Variants in NEUROD4 observed in about 807,000 individuals in gnomAD.
The protein encoded by NEUROD4 is neurogenic differentiation factor 4.
NEUROD4 carries 16 observed loss-of-function variants against 19.8 expected under a neutral mutation model. That is an observed-to-expected ratio of 0.81 (90% CI 0.55 to 1.23). The LOEUF is 1.23. Ranked by LOEUF, NEUROD4 falls within the 50% of genes most tolerant of loss-of-function variation. The pLI is 0.00. For synonymous variants in NEUROD4, 153 were observed against 147.9 expected, an observed-to-expected ratio of 1.03 and a Z score of -0.25; for missense variants, 439 against 398.6, an observed-to-expected ratio of 1.10 and a Z score of -0.86.
At chr12:55,020,502 T>A (rs1952667534) in intron 1 of NEUROD4, among the ~76,000 whole-genome samples, 189 bp downstream of exon 1, 1 of 152,172 alleles carries the variant, frequency 6.6e-6, no homozygotes, top group Admixed American at 6.5e-5. Flanking sequence ...TTTAAATAAT[T>A]TTATTAAATT....
chr12:55,028,257 G>A lies in NEUROD4; in HGVS notation c.*822G>A, dbSNP rs1398680950. 1 of 166,660 alleles carries A rather than the reference G, an allele frequency of 6.0e-6. No homozygotes were observed. Among genetic ancestry groups the A allele is most frequent in the Non-Finnish European group, 1.5e-5 (1 of 68,118 alleles). The allele number at this position is 166,660 out of a possible 1,614,324, so 10.3% of individuals were successfully genotyped here. A position where few individuals can be genotyped will look rare whatever the true frequency, so the allele number is the denominator to read the frequency against. On this transcript the variant is annotated 3_prime_UTR_variant, in exon 2 of 2. Coordinates refer to ENST00000242994, the MANE Select transcript of NEUROD4 (RefSeq NM_021191.3). ...AAAACCATTTTTCTCAGTACTAGAGGTAGGGCAAACAAGTCACTGAAGCCT... is the reference window on the plus strand; with the variant it reads ...AAAACCATTTTTCTCAGTACTAGAGATAGGGCAAACAAGTCACTGAAGCCT...
chr12:55,026,996 A>T lies in NEUROD4; in HGVS notation c.557A>T (p.His186Leu), dbSNP rs749358204. The T allele has an allele frequency of 6.2e-7, 1 of 1,614,186 alleles. No homozygotes were observed. Reference sequence around the variant, plus strand: ...CCTCAGTCTGTCCTCCTGGAGAAGCACGAGGATAAATCTCCTATTTGTGAC... The same window carrying T: ...CCTCAGTCTGTCCTCCTGGAGAAGCTCGAGGATAAATCTCCTATTTGTGAC... Reference protein sequence around the residue: ...LGPQSVLLEKHEDKSPICDSA... With the variant: ...LGPQSVLLEKLEDKSPICDSA... The change falls in exon 2 of 2, where the codon CAC becomes CTC. Residue 186 changes from histidine to leucine, a missense_variant. By Grantham distance (99) the His-to-Leu change is moderately conservative. Coordinates refer to ENST00000242994, the MANE Select transcript of NEUROD4 (RefSeq NM_021191.3).
At position 55,027,143 on chromosome 12, in the gene NEUROD4, C is replaced by G. The variant is rs1241017522; in HGVS notation, c.704C>G (p.Ser235Trp). The stretch of plus-strand genomic sequence containing the variant: ...CAAGTATTCAAGAGTTTGGGAGAAT[C>G]GTCCTTTGGGAGCCATCTGCCTGAC... ...KPQVFKSLGE[S>W]SFGSHLPDCS... Residue 235 changes from serine to tryptophan, a missense_variant, in exon 2 of 2, where the codon TCG becomes TGG. Transcript: ENST00000242994. 2.4e-5 allele frequency: 38 copies of G among 1,614,034 alleles called. No homozygotes were observed. The highest frequency in any genetic ancestry group is 3.1e-5 in the Non-Finnish European group (37 of 1,180,014).
In NEUROD4 at chr12:55,020,630, G is replaced by A. The variant is rs535217750; in HGVS notation, c.-10+317G>A. 2.0e-5 allele frequency among the ~76,000 whole-genome samples: 3 copies of A among 152,256 alleles called. No homozygotes were observed. In the East Asian group the frequency reaches 5.8e-4, roughly 29 times the overall value. Reference sequence around the variant, plus strand: ...AAAGCCACTCTTTCATTTTGTTAGTGGTGAAAATGTCGAAAAGTTTAACTG... The same window carrying A: ...AAAGCCACTCTTTCATTTTGTTAGTAGTGAAAATGTCGAAAAGTTTAACTG... On this transcript the variant is annotated intron_variant, in intron 1 of 1. Transcript: ENST00000242994.
Position 55,028,202 on chromosome 12 carries a change from T to A in NEUROD4, c.*767T>A, listed in dbSNP as rs144912274. 1.8e-5 allele frequency: 3 copies of A among 165,624 alleles called. No individual in the cohort carries two copies. Among genetic ancestry groups the A allele is most frequent in the African/African-American group, 7.2e-5 (3 of 41,458 alleles). 10.3% of individuals were successfully genotyped at this position (165,624 alleles called of 1,614,324 possible). On this transcript the variant is annotated 3_prime_UTR_variant, in exon 2 of 2. Coordinates refer to ENST00000242994, the MANE Select transcript of NEUROD4 (RefSeq NM_021191.3). Reference sequence around the variant, plus strand: ...ATAATAGAGAACCATAATAGAGGCCTCATGCCAACTTTATTCTTGATAATA... The same window carrying A: ...ATAATAGAGAACCATAATAGAGGCCACATGCCAACTTTATTCTTGATAATA...
rs937465841 is a variant in NEUROD4 at position 55,026,446 on chromosome 12, A to G, written c.7A>G (p.Lys3Glu). The G allele has an allele frequency of 1.2e-6, 2 of 1,601,658 alleles. No individual in the cohort carries two copies. Among genetic ancestry groups the G allele is most frequent in the Non-Finnish European group, 1.7e-6 (2 of 1,174,892 alleles). ...CCTTTTCCAGAGTCTGGAAATGTCA[A>G]AAACTTTTGTAAAATCCAAGGAGAT... MSKTFVKSKEMGE... is the reference protein window; with the variant it reads MSETFVKSKEMGE... Residue 3 changes from lysine to glutamate, a missense_variant, in exon 2 of 2, where the codon AAA (lysine) becomes GAA (glutamate). By Grantham distance (56) the Lys-to-Glu change is moderately conservative. Transcript: ENST00000242994.
intron 1 of NEUROD4, among the ~76,000 whole-genome samples, chr12:55,025,249 A>G (rs543497971): frequency 2.0e-5 from 3 of 152,368 alleles, no homozygotes; most frequent in Admixed American, 2.0e-4. Flanking sequence ...AATTTTGCAT[A>G]CAAAATTCTG....
Position 55,026,805 on chromosome 12 carries a change from A to G in NEUROD4, c.366A>G (p.Lys122=), listed in dbSNP as rs760192016. ...TGCCATGCTACTCTAAAACCCAAAA[A>G]CTTTCCAAGATAGAGACTCTTAGAC... The part of the protein sequence containing the change: ...RVMPCYSKTQ[K]LSKIETLRLA... The change falls in exon 2 of 2, where the codon AAA becomes AAG. Residue 122 remains lysine, a synonymous_variant. Transcript: ENST00000242994. The G allele has an allele frequency of 1.2e-6, 2 of 1,614,074 alleles. No individual in the cohort carries two copies. The highest frequency in any genetic ancestry group is 2.2e-5 in the South Asian group (2 of 91,076).
chr12:55,028,659 C>G lies in NEUROD4; in HGVS notation c.*1224C>G, dbSNP rs567707147. On this transcript the variant is annotated 3_prime_UTR_variant, in exon 2 of 2. Coordinates refer to ENST00000242994, the MANE Select transcript of NEUROD4 (RefSeq NM_021191.3). The stretch of plus-strand genomic sequence containing the variant: ...TATATGTAGTTCCTTATCTCTCCCC[C>G]TACACTAATTGTTACCTCTTCCTCA... The G allele has an allele frequency of 1.3e-3, 211 of 167,148 alleles. No homozygotes were observed. Among genetic ancestry groups the G allele is most frequent in the African/African-American group, 4.8e-3 (201 of 41,554 alleles). The allele number at this position is 167,148 out of a possible 1,614,324, so 10.4% of individuals were successfully genotyped here.
In NEUROD4 at chr12:55,026,513, T is replaced by C; in HGVS notation, c.74T>C (p.Leu25Pro). 2 of 1,614,038 alleles carry C rather than the reference T, an allele frequency of 1.2e-6. No homozygotes were observed. Among genetic ancestry groups the C allele is most frequent in the Non-Finnish European group, 1.7e-6 (2 of 1,179,970 alleles). Reference sequence around the variant, plus strand: ...ACACCATCCTGGATGGATAAAGGTCTGGGCTCCCAAAATGAGGTGAAGGAG... The same window carrying C: ...ACACCATCCTGGATGGATAAAGGTCCGGGCTCCCAAAATGAGGTGAAGGAG... ...VNTPSWMDKG[L>P]GSQNEVKEEE... The change falls in exon 2 of 2, where the codon CTG becomes CCG. Residue 25 changes from leucine to proline, a missense_variant. Physicochemically the swap from Leu to Pro is moderately conservative, Grantham distance 98. Transcript: ENST00000242994.
At position 55,028,731 on chromosome 12, in the gene NEUROD4, G is replaced by T. The variant is rs1269897476; in HGVS notation, c.*1296G>T. ...TTATATATTGTAAATAACATTTCAG[G>T]TGACCAAACTTAAGGATGCAGAAAT... On this transcript the variant is annotated 3_prime_UTR_variant, in exon 2 of 2. Transcript: ENST00000242994. 2 of 166,940 alleles carry T rather than the reference G, an allele frequency of 1.2e-5. No individual in the cohort carries two copies. Among genetic ancestry groups the T allele is most frequent in the Non-Finnish European group, 1.5e-5 (1 of 68,092 alleles). 10.3% of individuals were successfully genotyped at this position (166,940 alleles called of 1,614,324 possible).
At position 55,027,396 on chromosome 12, in the gene NEUROD4, T is replaced by C. The variant is rs921590333; in HGVS notation, c.957T>C (p.His319=). The C allele has an allele frequency of 1.2e-6, 2 of 1,613,212 alleles. No individual in the cohort carries two copies. The highest frequency in any genetic ancestry group is 1.1e-5 in the South Asian group (1 of 90,984). The change falls in exon 2 of 2, where the codon CAT becomes CAC. Residue 319 remains histidine (H), a synonymous_variant. Transcript: ENST00000242994. ...IDMSYDSYPH[H]GIGTQLNTVF... ...TGTCCTATGATTCCTACCCCCATCA[T>C]GGTATTGGGACCCAACTCAATACAG...
chr12:55,027,004 A>C lies in NEUROD4; in HGVS notation c.565A>C (p.Lys189Gln). Reference sequence around the variant, plus strand: ...TGTCCTCCTGGAGAAGCACGAGGATAAATCTCCTATTTGTGACTCTGCCAT... The same window carrying C: ...TGTCCTCCTGGAGAAGCACGAGGATCAATCTCCTATTTGTGACTCTGCCAT... ...QSVLLEKHEDKSPICDSAISV... is the reference protein window; with the variant it reads ...QSVLLEKHEDQSPICDSAISV... The change falls in exon 2 of 2, where the codon AAA becomes CAA. Residue 189 changes from lysine (K) to glutamine (Q), a missense_variant. By Grantham distance (53) the Lys-to-Gln change is moderately conservative. Coordinates refer to ENST00000242994, the MANE Select transcript of NEUROD4 (RefSeq NM_021191.3). The C allele has an allele frequency of 6.2e-7, 1 of 1,614,138 alleles. No homozygotes were observed. The highest frequency in any genetic ancestry group is 8.5e-7 in the Non-Finnish European group (1 of 1,180,018).
Position 55,027,191 on chromosome 12 carries a change from G to A in NEUROD4, c.752G>A (p.Gly251Asp), listed in dbSNP as rs1311574833. Reference sequence around the variant, plus strand: ...GACTGCAGTACACCCCCTTATGAGGGCCCACTCACTCCACCCCTGAGCATC... The same window carrying A: ...GACTGCAGTACACCCCCTTATGAGGACCCACTCACTCCACCCCTGAGCATC... ...LPDCSTPPYE[G>D]PLTPPLSISG... Residue 251 changes from glycine (G) to aspartate (D), a missense_variant, in exon 2 of 2, where the codon GGC becomes GAC. By Grantham distance (94) the Gly-to-Asp change is moderately conservative (BLOSUM62 -1). Transcript: ENST00000242994. The A allele has an allele frequency of 5.0e-6, 8 of 1,613,908 alleles. No individual in the cohort carries two copies. The African/African-American group carries it at 9.3e-5, about 19-fold the overall frequency.
chr12:55,029,003 G>A lies in NEUROD4; in HGVS notation c.*1568G>A, dbSNP rs1180168741. ...CTTATTTGATAGTAGATTAGGTCCT[G>A]CTCCTGCCAGAAAGGATAAGTTTAA... is the stretch of plus-strand genomic sequence containing the variant. On this transcript the variant is annotated 3_prime_UTR_variant, in exon 2 of 2. Transcript: ENST00000242994. 1.8e-5 allele frequency: 3 copies of A among 166,944 alleles called. No homozygotes were observed. Among genetic ancestry groups the A allele is most frequent in the Non-Finnish European group, 4.4e-5 (3 of 68,092 alleles). 10.3% of individuals were successfully genotyped at this position (166,944 alleles called of 1,614,324 possible). A position where few individuals can be genotyped will look rare whatever the true frequency, so the allele number is the denominator to read the frequency against.
In NEUROD4 at chr12:55,027,666, A is replaced by T; in HGVS notation, c.*231A>T. The T allele has an allele frequency of 2.3e-6, 1 of 444,392 alleles. No individual in the cohort carries two copies. Among genetic ancestry groups the T allele is most frequent in the Non-Finnish European group, 4.1e-6 (1 of 244,810 alleles). The allele number at this position is 444,392 out of a possible 1,614,324, so 27.5% of individuals were successfully genotyped here. A position where few individuals can be genotyped will look rare whatever the true frequency, so the allele number is the denominator to read the frequency against. ...GAAAATATTTGATGATTTAACAACC[A>T]TGTGAAAATAGAACAGAAGACCTGG... On this transcript the variant is annotated 3_prime_UTR_variant, in exon 2 of 2. Transcript: ENST00000242994.
At chr12:55,022,517 T>C (rs1431988403) in intron 1 of NEUROD4, among the ~76,000 whole-genome samples, 1 of 152,202 alleles carries the variant, frequency 6.6e-6, no homozygotes, top group Non-Finnish European at 1.5e-5. Context: ...CTGCTTTCAC[T>C]TCTCTCTGAT....
intron 1 of NEUROD4, among the ~76,000 whole-genome samples, chr12:55,023,114 G>A (rs1179760037): frequency 6.6e-6 from 1 of 152,040 alleles, no homozygotes; most frequent in African/African-American, 2.4e-5. Flanking sequence ...GGCAGATAAG[G>A]GTTATGAAAC....
At position 55,026,776 on chromosome 12, in the gene NEUROD4, G is replaced by C; in HGVS notation, c.337G>C (p.Val113Leu). The change falls in exon 2 of 2, where the codon GTC (valine) becomes CTC (leucine). Residue 113 changes from valine to leucine, a missense_variant. Physicochemically the swap from Val to Leu is conservative, Grantham distance 32. Transcript: ENST00000242994. ...LNDALDNLRRVMPCYSKTQKL... is the reference protein window; with the variant it reads ...LNDALDNLRRLMPCYSKTQKL... ...TGACGCCCTGGATAACCTGAGGCGA[G>C]TCATGCCATGCTACTCTAAAACCCA... 6.2e-7 allele frequency: 1 copy of C among 1,614,132 alleles called. No individual in the cohort carries two copies. Among genetic ancestry groups the C allele is most frequent in the South Asian group, 1.1e-5 (1 of 91,082 alleles).
Sources: allele counts gnomAD v4.1 joint callset (sites outside exome capture counted in the v4.1 genomes callset), GRCh38; gene constraint gnomAD v4.1.1; transcripts MANE v1.5; gene names NCBI Gene and HGNC (gene_info 2026-07-23, HGNC 2026-07-21).